Variants in FRAS1 observed in about 807,000 individuals in gnomAD.
FRAS1 encodes Fraser extracellular matrix complex subunit 1.
In FRAS1, 290 loss-of-function variants were observed where a neutral mutation model predicts 435.2. That is an observed-to-expected ratio of 0.67 (90% CI 0.61 to 0.73). The LOEUF (loss-of-function observed/expected upper bound fraction) is 0.73. Among genes scored for constraint, FRAS1 ranks in the 30% least tolerant of loss-of-function variants. FRAS1 has a pLI of 0.00. For synonymous variants in FRAS1, 1,800 were observed against 1,851.0 expected (o/e 0.97, Z 0.71); for missense variants, 4,860 against 5,001.5 (o/e 0.97, Z 0.85).
chr4:78,242,973 T>C (rs897730559), intron 3 of FRAS1, among the ~76,000 whole-genome samples: 1 of 152,110 alleles, frequency 6.6e-6, no homozygotes, highest in African/African-American at 2.4e-5. Context: ...CAGAAAAAGA[T>C]TGAGAGAAAG....
rs1307741246 is a variant in FRAS1 at position 78,541,628 on chromosome 4, A to G, written c.*504A>G. 6.8e-6 allele frequency: 1 copy of G among 147,440 alleles called. No individual in the cohort carries two copies. Among genetic ancestry groups the G allele is most frequent in the Non-Finnish European group, 1.5e-5 (1 of 67,936 alleles). 9.1% of individuals were successfully genotyped at this position (147,440 alleles called of 1,614,324 possible). The stretch of plus-strand genomic sequence containing the variant: ...TTCTGCTAATCGACACAACACATAT[A>G]TTTGCTCATGATTTCACTTGACAGC... On this transcript the variant is annotated 3_prime_UTR_variant, in exon 74 of 74. Transcript: ENST00000512123.
intron 14 of FRAS1, among the ~76,000 whole-genome samples, chr4:78,289,240 A>T (rs751781281): frequency 4.3e-4 from 63 of 144,972 alleles, no homozygotes; most frequent in Non-Finnish European, 7.1e-4. Context: ...AGGGGCCCTT[A>T]TCATTTTCTC....
intron 46 of FRAS1, 42 bp from the exon 47 acceptor site, chr4:78,452,133 T>C: frequency 6.3e-7 from 1 of 1,588,302 alleles, no homozygotes; most frequent in Non-Finnish European, 8.6e-7. Flanking sequence ...GAAAGGAGGC[T>C]GAGAAGATCC....
At chr4:78,114,699 A>G (rs1276295840) in intron 2 of FRAS1, among the ~76,000 whole-genome samples, 1 of 152,232 alleles carries the variant, frequency 6.6e-6, no homozygotes, top group Non-Finnish European at 1.5e-5. Context: ...ACTTTGCTGA[A>G]GTTGCCTGTC....
At chr4:78,162,021 T>G (rs1394693799) in intron 2 of FRAS1, among the ~76,000 whole-genome samples, 1 of 152,126 alleles carries the variant, frequency 6.6e-6, no homozygotes, top group Non-Finnish European at 1.5e-5. Context: ...CCTAACTCCA[T>G]GCATTTTTCA....
In FRAS1 at chr4:78,472,314, T is replaced by C. The variant is rs377110300; in HGVS notation, c.7506T>C (p.Ala2502=). 4 of 1,607,460 alleles carry C rather than the reference T, an allele frequency of 2.5e-6. No individual in the cohort carries two copies. The highest frequency in any genetic ancestry group is 3.4e-6 in the Non-Finnish European group (4 of 1,175,522). Residue 2502 remains alanine, a synonymous_variant, in exon 52 of 74, where the codon GCT becomes GCC. Coordinates refer to ENST00000512123, the MANE Select transcript of FRAS1 (RefSeq NM_025074.7). ...VENKLQPGRA[A]ATFTQEDVNL... is the part of the protein sequence containing the mutation. ...ACAAGCTGCAGCCTGGCAGAGCTGC[T>C]GCCACTTTCACCCAGGGTGGGGACT...
At chr4:78,246,325 T>G (rs1056333955) in intron 4 of FRAS1, among the ~76,000 whole-genome samples, 3 of 152,224 alleles carry the variant, frequency 2.0e-5, no homozygotes, top group Non-Finnish European at 2.9e-5. Flanking sequence ...TACTTGAGGC[T>G]GCTATTCAGT....
intron 24 of FRAS1, among the ~76,000 whole-genome samples, chr4:78,373,559 C>A (rs993715904): frequency 6.6e-6 from 1 of 151,194 alleles, no homozygotes; most frequent in Non-Finnish European, 1.5e-5. Flanking sequence ...AGACAGATCA[C>A]CTGAGGTCGT....
intron 20 of FRAS1, among the ~76,000 whole-genome samples, chr4:78,340,818 G>C (rs550863639): frequency 6.6e-6 from 1 of 152,142 alleles, no homozygotes; most frequent in African/African-American, 2.4e-5. Flanking sequence ...ATGTGCCCCT[G>C]TTTCCCTCCG....
At chr4:78,354,920 G>A (rs2008453) in intron 20 of FRAS1, among the ~76,000 whole-genome samples, 15,808 of 152,056 alleles carry the variant, frequency 0.1, 924 homozygotes, top group African/African-American at 0.15. Flanking sequence ...GCTTCCATCC[G>A]TCATGATTGT....
At chr4:78,327,601 C>T (rs1370525186) in intron 18 of FRAS1, among the ~76,000 whole-genome samples, 1 of 152,118 alleles carries the variant, frequency 6.6e-6, no homozygotes, top group African/African-American at 2.4e-5. Context: ...AAGCAGCTCA[C>T]TTATGCTTTT....
At chr4:78,477,190 G>C (rs1440321818) in intron 54 of FRAS1, among the ~76,000 whole-genome samples, 1 of 152,082 alleles carries the variant, frequency 6.6e-6, no homozygotes, top group Non-Finnish European at 1.5e-5. Context: ...CCATTATTCA[G>C]TACACTGGAA....
chr4:78,442,023 C>A (rs1383862631), intron 41 of FRAS1, among the ~76,000 whole-genome samples: 1 of 152,226 alleles, frequency 6.6e-6, no homozygotes, highest in African/African-American at 2.4e-5. Context: ...GCTGCCTGAG[C>A]ACCAGCACTG....
intron 2 of FRAS1, among the ~76,000 whole-genome samples, chr4:78,228,281 A>G (rs1014824167): frequency 2.6e-5 from 4 of 152,190 alleles, no homozygotes; most frequent in African/African-American, 9.6e-5. Context: ...AGTCTCCCTA[A>G]TATCTGGATT....
At chr4:78,259,374 T>C (rs1432368674) in intron 6 of FRAS1, among the ~76,000 whole-genome samples, 1 of 139,294 alleles carries the variant, frequency 7.2e-6, no homozygotes, top group Non-Finnish European at 1.6e-5. Context: ...ACCTGTTGTT[T>C]CCTGACTTTT....
rs183689464 is a variant in FRAS1 at position 78,267,326 on chromosome 4, G to A, written c.875G>A (p.Arg292Gln). ...AGSCSYDGVV[R>Q]YQDEMWKGSA... Reference sequence around the variant, plus strand: ...AGCTGCTCCTATGATGGAGTTGTGCGGTACCAGGACGAAATGTGGAAGGGC... The same window carrying A: ...AGCTGCTCCTATGATGGAGTTGTGCAGTACCAGGACGAAATGTGGAAGGGC... Residue 292 changes from arginine to glutamine, a missense_variant, in exon 9 of 74, where the codon CGG becomes CAG. Coordinates refer to ENST00000512123, the MANE Select transcript of FRAS1 (RefSeq NM_025074.7). 46 of 1,613,816 alleles carry A rather than the reference G, an allele frequency of 2.9e-5. No individual in the cohort carries two copies. The East Asian group carries it at 6.5e-4, about 23-fold the overall frequency.
chr4:78,475,337 A>T, intron 53 of FRAS1, 101 bp from the exon 54 acceptor site: 1 of 1,269,248 alleles, frequency 7.9e-7, no homozygotes, highest in Non-Finnish European at 1.1e-6. Context: ...TTCTCTGACT[A>T]CCTAATGCCA....
At chr4:78,152,171 C>T (rs1720694129) in intron 2 of FRAS1, among the ~76,000 whole-genome samples, 1 of 151,996 alleles carries the variant, frequency 6.6e-6, no homozygotes, top group African/African-American at 2.4e-5. Flanking sequence ...GTCAGTGTTG[C>T]CATTAAGAAA....
intron 2 of FRAS1, among the ~76,000 whole-genome samples, chr4:78,164,636 T>TA (rs1721266463): frequency 6.6e-6 from 1 of 152,146 alleles, no homozygotes; most frequent in African/African-American, 2.4e-5. Flanking sequence ...AAAGGCATGT[T>TA]AAAAACGTTT....
Sources: gnomAD v4.1 joint callset for allele counts (sites outside exome capture counted in the v4.1 genomes callset) on GRCh38, gnomAD v4.1.1 for gene constraint, MANE v1.5 for transcripts, NCBI Gene and HGNC (gene_info 2026-07-23, HGNC 2026-07-21) for gene names.